ZMYM4: variants seen among roughly 807,000 people sequenced by gnomAD.
The protein encoded by ZMYM4 is zinc finger MYM-type protein 4.
ZMYM4 carries 31 observed loss-of-function variants against 183.2 expected under a neutral mutation model. The observed-to-expected ratio is 0.17, with a 90% CI of 0.13 to 0.23. The LOEUF is 0.23. Ranked by LOEUF, ZMYM4 falls within the 10% of genes least tolerant of loss-of-function variation. The pLI is 1.00. For synonymous variants in ZMYM4, 592 were observed against 631.2 expected (o/e 0.94, Z 0.93); for missense variants, 1,273 against 1,840.3 (o/e 0.69, Z 5.64).
At chr1:35,303,532 A>C (rs1641388360) in intron 1 of ZMYM4, among the ~76,000 whole-genome samples, 1 of 152,016 alleles carries the variant, frequency 6.6e-6, no homozygotes, top group African/African-American at 2.4e-5. Flanking sequence ...CACCCTCCCA[A>C]GTGGCTGCGA....
At position 35,408,042 on chromosome 1, in the gene ZMYM4, C is replaced by T; in HGVS notation, c.3831C>T (p.Ser1277=). The T allele has an allele frequency of 5.6e-6, 9 of 1,614,196 alleles. No individual in the cohort carries two copies. Among genetic ancestry groups the T allele is most frequent in the Non-Finnish European group, 7.6e-6 (9 of 1,180,042 alleles). ...RSIKLKEDIL[S]CTFAELSLGL... Reference sequence around the variant, plus strand: ...TCAAGCTGAAGGAAGACATTCTGTCCTGCACTTTTGCTGAGTTGAGTTTGG... The same window carrying T: ...TCAAGCTGAAGGAAGACATTCTGTCTTGCACTTTTGCTGAGTTGAGTTTGG... Residue 1277 remains serine (S), a synonymous_variant, in exon 26 of 30, where the codon TCC becomes TCT. Coordinates refer to ENST00000314607, the MANE Select transcript of ZMYM4 (RefSeq NM_005095.3).
In ZMYM4 at chr1:35,387,284, G is replaced by GTT; in HGVS notation, c.2112+7_2112+8insTT. On this transcript the variant is annotated splice_region_variant and intron_variant, in intron 12 of 29. Transcript: ENST00000314607. ...CAGAACTTCTTGACTATAAGGTAAA[G>GTT]TATAGCATGTTCATGATAAGATTTT... The GTT allele has an allele frequency of 6.2e-7, 1 of 1,611,082 alleles. No homozygotes were observed. The highest frequency in any genetic ancestry group is 8.5e-7 in the Non-Finnish European group (1 of 1,177,448).
At position 35,323,806 on chromosome 1, in the gene ZMYM4, G is replaced by A. The variant is rs1011081143; in HGVS notation, c.40-1554G>A. ...CCTGACCTCATGATCCACCCGTCTC[G>A]GCCTCCCAAAGTGCTGGGATTACAG... is the stretch of plus-strand genomic sequence containing the variant. On this transcript the variant is annotated intron_variant, in intron 1 of 29. Transcript: ENST00000314607. Among the ~76,000 whole-genome samples, 16 of 151,698 alleles carry A rather than the reference G, an allele frequency of 1.1e-4. No individual in the cohort carries two copies. The East Asian group carries it at 2.2e-3, about 20-fold the overall frequency.
rs761793030 is a variant in ZMYM4, at chr1:35,415,510, A to C, written c.4105A>C (p.Lys1369Gln). 1 of 1,614,218 alleles carries C rather than the reference A, an allele frequency of 6.2e-7. No individual in the cohort carries two copies. The highest frequency in any genetic ancestry group is 8.5e-7 in the Non-Finnish European group (1 of 1,180,034). ...RIEEEHLWEC[K>Q]QLGAYSPIVL... ...TGAGGAAGAGCATTTGTGGGAGTGC[A>C]AACAGCTGGGCGCTTACTCACCAAT... Residue 1369 changes from lysine to glutamine, a missense_variant, in exon 28 of 30, where the codon AAA becomes CAA. Transcript: ENST00000314607.
At chr1:35,351,839 A>G (rs752341188) in intron 2 of ZMYM4, among the ~76,000 whole-genome samples, 6 of 152,352 alleles carry the variant, frequency 3.9e-5, no homozygotes, top group South Asian at 4.1e-4. Flanking sequence ...TGCTAAAGCA[A>G]TGACTAAGAG....
rs549063279 is a variant in ZMYM4, at chr1:35,404,409, CTT to C, written c.3529-610_3529-609del. Among the ~76,000 whole-genome samples, 211 of 152,230 alleles carry C rather than the reference CTT, an allele frequency of 1.4e-3. 1 individual carries two copies. The highest frequency in any genetic ancestry group is 6.8e-3 in the Middle Eastern group (2 of 294). ...AGAAGCTTAGGTTATAGATTATAGACTTTTTAAAAATTTTCTTATTGAAACAT... is the reference window on the plus strand; with the variant it reads ...AGAAGCTTAGGTTATAGATTATAGACTTTAAAAATTTTCTTATTGAAACAT... On this transcript the variant is annotated intron_variant, in intron 23 of 29. Coordinates refer to ENST00000314607, the MANE Select transcript of ZMYM4 (RefSeq NM_005095.3).
chr1:35,275,541 A>G (rs551338569), intron 1 of ZMYM4, among the ~76,000 whole-genome samples: 36 of 152,326 alleles, frequency 2.4e-4, no homozygotes, highest in Non-Finnish European at 4.3e-4. Context: ...AGGTTTTCTT[A>G]CTAAAGAATA....
intron 7 of ZMYM4, among the ~76,000 whole-genome samples, chr1:35,371,645 CATTT>C (rs1644216695): frequency 6.6e-6 from 1 of 152,140 alleles, no homozygotes; most frequent in Admixed American, 6.5e-5. Context: ...AACCATGATT[CATTT>C]ATTACTTTAG....
intron 2 of ZMYM4, among the ~76,000 whole-genome samples, chr1:35,345,233 C>A (rs193063770): frequency 6.6e-6 from 1 of 152,108 alleles, no homozygotes; most frequent in Non-Finnish European, 1.5e-5. Flanking sequence ...TCAAGTGTCA[C>A]GTGGCTACTG....
intron 5 of ZMYM4, among the ~76,000 whole-genome samples, chr1:35,364,737 T>A (rs913813951): frequency 6.6e-6 from 1 of 152,212 alleles, no homozygotes; most frequent in Non-Finnish European, 1.5e-5. Context: ...ATGGCACCTT[T>A]TCAAAACTTC....
chr1:35,339,532 A>C (rs1643119190), intron 2 of ZMYM4, among the ~76,000 whole-genome samples: 1 of 152,044 alleles, frequency 6.6e-6, no homozygotes, highest in African/African-American at 2.4e-5. Flanking sequence ...CATAATATTA[A>C]GTTCTATAAG....
chr1:35,381,764 T>C lies in ZMYM4; in HGVS notation c.1569+6T>C, dbSNP rs751724923. 3.1e-6 allele frequency: 5 copies of C among 1,613,422 alleles called. 1 individual carries two copies. The South Asian group carries it at 4.4e-5, about 14-fold the overall frequency. On this transcript the variant is annotated splice_donor_region_variant and intron_variant, in intron 9 of 29. Transcript: ENST00000314607. ...GTATCACGGCATACAAGCAGGTACA[T>C]GACCATATTTAATCTTGATGTCTTT...
chr1:35,318,219 T>C lies in ZMYM4; in HGVS notation c.40-7141T>C, dbSNP rs1272892529. 2.0e-5 allele frequency among the ~76,000 whole-genome samples: 3 copies of C among 151,714 alleles called. No homozygotes were observed. The East Asian group carries it at 5.8e-4, about 29-fold the overall frequency. On this transcript the variant is annotated intron_variant, in intron 1 of 29. Coordinates refer to ENST00000314607, the MANE Select transcript of ZMYM4 (RefSeq NM_005095.3). Reference sequence around the variant, plus strand: ...GACTACAGGCACGTGCCACCATGCCTGGCAATTTTTGTATTTTTAGTAGAG... The same window carrying C: ...GACTACAGGCACGTGCCACCATGCCCGGCAATTTTTGTATTTTTAGTAGAG...
chr1:35,389,955 A>C lies in ZMYM4; in HGVS notation c.2444A>C (p.Lys815Thr). The C allele has an allele frequency of 6.2e-7, 1 of 1,608,504 alleles. No homozygotes were observed. The highest frequency in any genetic ancestry group is 1.1e-5 in the South Asian group (1 of 90,226). The change falls in exon 15 of 30, where the codon AAA (lysine) becomes ACA (threonine). Residue 815 changes from lysine to threonine, a missense_variant. Lys to Thr is a moderately conservative substitution (Grantham distance 78, BLOSUM62 -1). Around this residue, in one of 6 missense-constraint regions of ZMYM4, gnomAD observed 319 missense variants for 518.1 expected, o/e 0.62. Transcript: ENST00000314607. The surrounding 1 kb of genome is among the most constrained non-coding windows in gnomAD (Gnocchi z 4.0). ...KYTVLFYQMA[K>T]CDACKRQGKL... ...CTACCTTCTTCTTTTTAGATGGCCA[A>C]ATGTGATGCTTGTAAGCGACAGGGT...
chr1:35,295,726 C>G (rs953040570), intron 1 of ZMYM4, among the ~76,000 whole-genome samples: 11 of 152,264 alleles, frequency 7.2e-5, no homozygotes, highest in Admixed American at 4.6e-4. Flanking sequence ...TATATACTTG[C>G]AGTAATGGTG....
chr1:35,374,278 C>T (rs1315532918), intron 7 of ZMYM4, among the ~76,000 whole-genome samples: 1 of 151,936 alleles, frequency 6.6e-6, no homozygotes, highest in Non-Finnish European at 1.5e-5. Flanking sequence ...AGATGACCCA[C>T]CCGCCTTGGC....
chr1:35,377,661 C>T (rs1644363667), intron 7 of ZMYM4, among the ~76,000 whole-genome samples: 1 of 152,174 alleles, frequency 6.6e-6, no homozygotes, highest in Admixed American at 6.5e-5. Flanking sequence ...AACCAATGTA[C>T]ATTTTTAAAT....
rs1441149638 is a variant in ZMYM4 at position 35,361,228 on chromosome 1, A to G, written c.642A>G (p.Leu214=). ...TTGAAGAAACATTACATACCCATTTACCACAAACCCCAGAAACAAACTTTA... is the reference window on the plus strand; with the variant it reads ...TTGAAGAAACATTACATACCCATTTGCCACAAACCCCAGAAACAAACTTTA... ...NQVEETLHTH[L]PQTPETNFRD... is the part of the protein sequence containing the mutation. Residue 214 remains leucine, a synonymous_variant, in exon 4 of 30, where the codon TTA becomes TTG. Transcript: ENST00000314607. 1.9e-6 allele frequency: 3 copies of G among 1,605,330 alleles called. No individual in the cohort carries two copies. Among genetic ancestry groups the G allele is most frequent in the Non-Finnish European group, 2.5e-6 (3 of 1,176,748 alleles).
intron 1 of ZMYM4, among the ~76,000 whole-genome samples, chr1:35,318,701 G>A (rs368023734): frequency 1.7e-4 from 26 of 151,934 alleles, no homozygotes; most frequent in Non-Finnish European, 8.8e-5. Context: ...CAAGTCATCC[G>A]CCTGCCTTGG....
Sources: allele counts gnomAD v4.1 joint callset (sites outside exome capture counted in the v4.1 genomes callset), GRCh38; gene constraint gnomAD v4.1.1; regional missense constraint gnomAD v4.1.1; non-coding constraint Gnocchi (gnomAD v3.1); transcripts MANE v1.5; gene names NCBI Gene and HGNC (gene_info 2026-07-23, HGNC 2026-07-21).